The following SLC16A7 variants were observed in gnomAD, a reference collection of about 807,000 sequenced individuals.
SLC16A7 encodes solute carrier family 16 member 7.
A neutral mutation model predicts 34.9 loss-of-function variants in SLC16A7; 33 were observed. The ratio of observed to expected loss-of-function variants is 0.94; its 90% CI spans 0.72 to 1.26. The LOEUF (loss-of-function observed/expected upper bound fraction) is 1.26. SLC16A7 is among the 50% of genes most tolerant of loss of function. The pLI, the probability that SLC16A7 is intolerant of heterozygous loss-of-function variation, is 0.00. For synonymous variants in SLC16A7, 201 were observed against 206.6 expected (o/e 0.97, Z 0.23); for missense variants, 573 against 578.1 (o/e 0.99, Z 0.09).
At chr12:59,685,756 TTCTG>T (rs758969437) in intron 2 of SLC16A7, among the ~76,000 whole-genome samples, 4 of 152,186 alleles carry the variant, frequency 2.6e-5, no homozygotes, top group Non-Finnish European at 4.4e-5. Context: ...TCTGTTTTCA[TTCTG>T]TCTTTGAAAA....
chr12:59,610,736 G>C (rs1258997158), intron 1 of SLC16A7, among the ~76,000 whole-genome samples: 1 of 152,178 alleles, frequency 6.6e-6, no homozygotes, highest in African/African-American at 2.4e-5. Flanking sequence ...CTGTAATGAT[G>C]TTCCAGCATA....
intron 1 of SLC16A7, among the ~76,000 whole-genome samples, chr12:59,607,656 A>G (rs2136962876): frequency 6.6e-6 from 1 of 152,264 alleles, no homozygotes; most frequent in African/African-American, 2.4e-5. Context: ...ACATGAGGGA[A>G]TGCTGGATAT....
At chr12:59,722,214 C>T (rs575350991) in intron 3 of SLC16A7, among the ~76,000 whole-genome samples, 1 of 152,014 alleles carries the variant, frequency 6.6e-6, no homozygotes, top group Non-Finnish European at 1.5e-5. Context: ...AACATTGGAG[C>T]CATGCTTTGA....
intron 1 of SLC16A7, among the ~76,000 whole-genome samples, chr12:59,612,797 T>G (rs1041962094): frequency 1.3e-5 from 2 of 152,188 alleles, no homozygotes; most frequent in Non-Finnish European, 2.9e-5. Flanking sequence ...TTTACTCCAG[T>G]TCCCAAAAAG....
chr12:59,727,285 G>T (rs1876403186), intron 3 of SLC16A7, among the ~76,000 whole-genome samples: 1 of 151,900 alleles, frequency 6.6e-6, no homozygotes. Context: ...TTCATCATAG[G>T]CTGACAATGG....
intron 3 of SLC16A7, among the ~76,000 whole-genome samples, chr12:59,728,671 G>A (rs1465607485): frequency 1.3e-5 from 2 of 152,272 alleles, no homozygotes; most frequent in African/African-American, 4.8e-5. Flanking sequence ...TCTGCAGTAA[G>A]CTAAGATTGT....
chr12:59,607,882 G>C (rs1279699714), intron 1 of SLC16A7, among the ~76,000 whole-genome samples: 1 of 152,096 alleles, frequency 6.6e-6, no homozygotes, highest in Non-Finnish European at 1.5e-5. Flanking sequence ...CTAGTAAGTA[G>C]ATCCTCTTTA....
chr12:59,676,730 A>T (rs761441847), intron 2 of SLC16A7, among the ~76,000 whole-genome samples: 5 of 152,176 alleles, frequency 3.3e-5, no homozygotes, highest in Non-Finnish European at 7.4e-5. Flanking sequence ...TACAGATAAT[A>T]CATAATTCCT....
intron 3 of SLC16A7, among the ~76,000 whole-genome samples, chr12:59,725,011 C>T (rs1453788016): frequency 1.3e-5 from 2 of 151,496 alleles, no homozygotes; most frequent in African/African-American, 4.9e-5. Flanking sequence ...TATTGATATT[C>T]TTTACCAAGG....
At position 59,733,936 on chromosome 12, in the gene SLC16A7, G is replaced by A. The variant is rs575735305; in HGVS notation, c.217+28918G>A. On this transcript the variant is annotated intron_variant, in intron 3 of 5. Coordinates refer to ENST00000547379, the MANE Select transcript of SLC16A7 (RefSeq NM_001270623.2). ...TAATCCTGACGTCTGTGTGAGTCTG[G>A]CAGAGTCTGGGGTTTTTAAGGGGTC... 863 of 417,490 alleles carry A rather than the reference G, an allele frequency of 2.1e-3. 6 individuals carry two copies. Among genetic ancestry groups the A allele is most frequent in the Non-Finnish European group, 1.4e-3 (294 of 207,650 alleles). The allele number at this position is 417,490 out of a possible 1,614,324, so 25.9% of individuals were successfully genotyped here. A position where few individuals can be genotyped will look rare whatever the true frequency, so the allele number is the denominator to read the frequency against.
At chr12:59,768,502 A>G (rs1013218215) in intron 3 of SLC16A7, among the ~76,000 whole-genome samples, 6 of 152,172 alleles carry the variant, frequency 3.9e-5, no homozygotes, top group African/African-American at 9.6e-5. Flanking sequence ...AATGCTGTAT[A>G]TATTGTTGAT....
intron 3 of SLC16A7, among the ~76,000 whole-genome samples, chr12:59,706,091 A>C (rs955851121): frequency 1.3e-5 from 2 of 152,274 alleles, no homozygotes; most frequent in South Asian, 4.1e-4. Flanking sequence ...AAGTCAAACA[A>C]CTTGTTAGTA....
At position 59,784,848 on chromosome 12, in the gene SLC16A7, A is replaced by G. The variant is rs1172544808; in HGVS notation, c.*5169A>G. On this transcript the variant is annotated 3_prime_UTR_variant, in exon 6 of 6. Coordinates refer to ENST00000547379, the MANE Select transcript of SLC16A7 (RefSeq NM_001270623.2). ...TATCCTGAATGTTTCTGATTTTCTT[A>G]AAGTGCCTGACAATATTGAGTAACA... is the stretch of plus-strand genomic sequence containing the variant. 1 of 152,186 alleles carries G rather than the reference A, an allele frequency of 6.6e-6. No individual in the cohort carries two copies. The highest frequency in any genetic ancestry group is 2.4e-5 in the African/African-American group (1 of 41,450). The allele number at this position is 152,186 out of a possible 1,614,324, so 9.4% of individuals were successfully genotyped here. A position where few individuals can be genotyped will look rare whatever the true frequency, so the allele number is the denominator to read the frequency against.
At position 59,751,901 on chromosome 12, in the gene SLC16A7, A is replaced by T. The variant is rs550847336; in HGVS notation, c.218-19318A>T. Among the ~76,000 whole-genome samples, 26 of 152,224 alleles carry T rather than the reference A, an allele frequency of 1.7e-4. No homozygotes were observed. The South Asian group carries it at 5.4e-3, about 32-fold the overall frequency. On this transcript the variant is annotated intron_variant, in intron 3 of 5. Coordinates refer to ENST00000547379, the MANE Select transcript of SLC16A7 (RefSeq NM_001270623.2). ...CCTCACACGGCCGGGTACTCCTCTT[A>T]GACAAAACTTCCAGAGGAACGATCA... is the stretch of plus-strand genomic sequence containing the variant.
intron 1 of SLC16A7, among the ~76,000 whole-genome samples, chr12:59,643,522 G>A (rs1880777878): frequency 6.6e-6 from 1 of 152,108 alleles, no homozygotes; most frequent in South Asian, 2.1e-4. Context: ...GAAGAGACTG[G>A]CATTAGAAAT....
At chr12:59,629,922 C>T (rs1254954360) in intron 1 of SLC16A7, among the ~76,000 whole-genome samples, 1 of 151,750 alleles carries the variant, frequency 6.6e-6, no homozygotes. Flanking sequence ...TATTATCTTG[C>T]CCTTTAAATT....
At chr12:59,715,789 ATTCCCTTT>A (rs1259929637) in intron 3 of SLC16A7, among the ~76,000 whole-genome samples, 1 of 152,228 alleles carries the variant, frequency 6.6e-6, no homozygotes, top group Non-Finnish European at 1.5e-5. Flanking sequence ...GAATATACCT[ATTCCCTTT>A]CTCTGGTGAA....
chr12:59,666,664 G>A (rs900947545), intron 2 of SLC16A7, among the ~76,000 whole-genome samples: 6 of 152,154 alleles, frequency 3.9e-5, no homozygotes, highest in South Asian at 2.1e-4. Flanking sequence ...CATGTATGAC[G>A]TGCCTTTACT....
At chr12:59,636,333 TA>T (rs1880424027) in intron 1 of SLC16A7, among the ~76,000 whole-genome samples, 1 of 152,172 alleles carries the variant, frequency 6.6e-6, no homozygotes, top group Admixed American at 6.5e-5. Flanking sequence ...GTTAAATTAT[TA>T]TTCTCTTTTT....
Sources: gnomAD v4.1 joint callset for allele counts (sites outside exome capture counted in the v4.1 genomes callset) on GRCh38, gnomAD v4.1.1 for gene constraint, MANE v1.5 for transcripts, NCBI Gene and HGNC (gene_info 2026-07-23, HGNC 2026-07-21) for gene names.